The following GUCY1A2 variants were observed in gnomAD, a reference collection of about 807,000 sequenced individuals.
The protein encoded by GUCY1A2 is guanylate cyclase 1 soluble subunit alpha 2, also known as guanylate cyclase soluble subunit alpha-2.
In GUCY1A2, 27 loss-of-function variants were observed where a neutral mutation model predicts 63.5. The observed-to-expected ratio is 0.43, with a 90% CI of 0.31 to 0.59. The LOEUF is 0.59. Ranked by LOEUF, GUCY1A2 falls within the 20% of genes least tolerant of loss-of-function variation. The pLI is 0.11. For missense variants in GUCY1A2, 768 were observed against 913.3 expected (o/e 0.84, Z 2.05); for synonymous variants, 364 against 343.5 (o/e 1.06, Z -0.66).
At chr11:106,741,501 A>G (rs1863693670) in intron 6 of GUCY1A2, among the ~76,000 whole-genome samples, 1 of 148,120 alleles carries the variant, frequency 6.8e-6, no homozygotes, top group South Asian at 2.2e-4. Context: ...AGGAAGAAGG[A>G]AAAGGAGAAA....
chr11:106,925,759 C>T (rs1342355186), intron 4 of GUCY1A2, among the ~76,000 whole-genome samples: 1 of 152,186 alleles, frequency 6.6e-6, no homozygotes, highest in Non-Finnish European at 1.5e-5. Flanking sequence ...ACAACTGAAA[C>T]TTACAATATG....
intron 5 of GUCY1A2, among the ~76,000 whole-genome samples, chr11:106,782,763 A>AC (rs1864487349): frequency 6.6e-6 from 1 of 151,748 alleles, no homozygotes; most frequent in African/African-American, 2.4e-5. Context: ...AGGAAACACA[A>AC]ACACACACAC....
intron 2 of GUCY1A2, among the ~76,000 whole-genome samples, chr11:106,984,494 C>T (rs948910477): frequency 6.6e-6 from 1 of 152,140 alleles, no homozygotes; most frequent in African/African-American, 2.4e-5. Context: ...GTTTGGTTAT[C>T]TATTTTGATC....
intron 5 of GUCY1A2, among the ~76,000 whole-genome samples, chr11:106,805,494 C>T (rs1858671381): frequency 6.6e-6 from 1 of 152,200 alleles, no homozygotes; most frequent in South Asian, 2.1e-4. Context: ...GATCCACCCA[C>T]CTCGGCCTCC....
Position 106,995,684 on chromosome 11 carries a change from T to C in GUCY1A2, c.304-9553A>G, listed in dbSNP as rs1462118691. Among the ~76,000 whole-genome samples the C allele has an allele frequency of 2.6e-5, 4 of 152,246 alleles. No homozygotes were observed. In the East Asian group the frequency reaches 5.8e-4, roughly 22 times the overall value. On this transcript the variant is annotated intron_variant, in intron 1 of 7. Transcript: ENST00000526355. The stretch of plus-strand genomic sequence containing the variant: ...TGTTATGTGATGATTAAACTCAATG[T>C]ATAAATCTCTTGATTATGAAGTAGT...
At chr11:106,691,892 A>G (rs1236839586) in intron 7 of GUCY1A2, among the ~76,000 whole-genome samples, 4 of 152,204 alleles carry the variant, frequency 2.6e-5, no homozygotes, top group Admixed American at 2.6e-4. Flanking sequence ...AGATAAGAAC[A>G]CTGAAGTGCA....
chr11:106,691,299 G>C (rs555430378), intron 7 of GUCY1A2, among the ~76,000 whole-genome samples: 1 of 152,148 alleles, frequency 6.6e-6, no homozygotes, highest in Non-Finnish European at 1.5e-5. Context: ...CAATCTAAAG[G>C]AAGAAATTCT....
chr11:106,794,210 G>A (rs770595513), intron 5 of GUCY1A2, among the ~76,000 whole-genome samples: 1 of 151,838 alleles, frequency 6.6e-6, no homozygotes, highest in Non-Finnish European at 1.5e-5. Flanking sequence ...TGAATCTGGA[G>A]GACATTAAGC....
chr11:106,990,489 C>T (rs947798100), intron 1 of GUCY1A2, among the ~76,000 whole-genome samples: 7 of 152,268 alleles, frequency 4.6e-5, no homozygotes, highest in Non-Finnish European at 1.0e-4. Context: ...CAGACAGTCC[C>T]GCTGAGGCTC....
chr11:106,909,959 T>C (rs1414819526), intron 4 of GUCY1A2, among the ~76,000 whole-genome samples: 1 of 152,008 alleles, frequency 6.6e-6, no homozygotes, highest in Non-Finnish European at 1.5e-5. Flanking sequence ...TGGCATAAAT[T>C]CTTTGAAAAT....
intron 4 of GUCY1A2, among the ~76,000 whole-genome samples, chr11:106,910,639 A>AGG (rs1303369620): frequency 2.0e-5 from 3 of 151,994 alleles, no homozygotes; most frequent in Non-Finnish European, 4.4e-5. Flanking sequence ...ATGTGACTAT[A>AGG]AAATGTGAAT....
At chr11:106,811,534 T>C (rs912030417) in intron 4 of GUCY1A2, among the ~76,000 whole-genome samples, 1 of 152,130 alleles carries the variant, frequency 6.6e-6, no homozygotes, top group African/African-American at 2.4e-5. Flanking sequence ...GTTTTCTTTA[T>C]AGCTAAATAG....
At chr11:106,827,922 C>A (rs1159005394) in intron 4 of GUCY1A2, 4 of 1,319,360 alleles carry the variant, frequency 3.0e-6, no homozygotes, top group Non-Finnish European at 4.3e-6. Context: ...TACTGAATAT[C>A]GCGGCGGAAC....
intron 4 of GUCY1A2, among the ~76,000 whole-genome samples, chr11:106,854,479 G>A (rs1246830084): frequency 2.6e-5 from 4 of 152,154 alleles, no homozygotes; most frequent in Non-Finnish European, 5.9e-5. Flanking sequence ...TCTGGCTAGT[G>A]GACAAGGGGG....
At chr11:106,925,187 GAC>G (rs1213916261) in intron 4 of GUCY1A2, among the ~76,000 whole-genome samples, 1 of 151,856 alleles carries the variant, frequency 6.6e-6, no homozygotes, top group Non-Finnish European at 1.5e-5. Context: ...GAGAAAGAAA[GAC>G]AGAGAGAGAG....
At chr11:106,724,790 C>T (rs1481356184) in intron 6 of GUCY1A2, among the ~76,000 whole-genome samples, 1 of 152,142 alleles carries the variant, frequency 6.6e-6, no homozygotes. Context: ...TCACTATCCT[C>T]ATCATCTCTG....
chr11:106,831,854 A>G (rs758902998), intron 4 of GUCY1A2, among the ~76,000 whole-genome samples: 1 of 152,162 alleles, frequency 6.6e-6, no homozygotes, highest in African/African-American at 2.4e-5. Flanking sequence ...AGGTCTTGGT[A>G]AGAAATCATT....
intron 4 of GUCY1A2, among the ~76,000 whole-genome samples, chr11:106,906,495 G>A (rs1860207868): frequency 6.6e-6 from 1 of 152,116 alleles, no homozygotes; most frequent in Admixed American, 6.6e-5. Context: ...GTTGGTGGGA[G>A]TGTAAATTAG....
rs370577524 is a variant in GUCY1A2, at chr11:106,997,048, TAA to T, written c.304-10919_304-10918del. Reference sequence around the variant, plus strand: ...GGCAGAAGATTAATACTGCATAACATAAAAAGTCTTTTTTAGTTTAACTCTAA... The same window carrying T: ...GGCAGAAGATTAATACTGCATAACATAAAGTCTTTTTTAGTTTAACTCTAA... On this transcript the variant is annotated intron_variant, in intron 1 of 7. Coordinates refer to ENST00000526355, the MANE Select transcript of GUCY1A2 (RefSeq NM_000855.3). 2.6e-4 allele frequency among the ~76,000 whole-genome samples: 40 copies of T among 152,314 alleles called. No individual in the cohort carries two copies. In the East Asian group the frequency reaches 4.8e-3, roughly 18 times the overall value.
Sources: allele counts gnomAD v4.1 joint callset (sites outside exome capture counted in the v4.1 genomes callset), GRCh38; gene constraint gnomAD v4.1.1; transcripts MANE v1.5; gene names NCBI Gene and HGNC (gene_info 2026-07-23, HGNC 2026-07-21).